The following RWDD3 variants were observed in gnomAD, a reference collection of about 807,000 sequenced individuals.
The protein encoded by RWDD3 is RWD domain-containing protein 3.
Under a neutral mutation model 26.5 loss-of-function variants are expected in RWDD3, and 30 were observed. The ratio of observed to expected loss-of-function variants is 1.13; its 90% CI spans 0.85 to 1.54. RWDD3 has a LOEUF of 1.54. RWDD3 is among the 40% of genes most tolerant of loss of function. The pLI is 0.00. For synonymous variants in RWDD3, 113 were observed against 114.5 expected (o/e 0.99, Z 0.09); for missense variants, 296 against 309.1 (o/e 0.96, Z 0.32).
chr1:95,236,417 G>A (rs1680362065), intron 1 of RWDD3, among the ~76,000 whole-genome samples: 2 of 151,990 alleles, frequency 1.3e-5, no homozygotes, highest in South Asian at 2.1e-4. Context: ...ATATCCATTG[G>A]GTGTGTTATT....
chr1:95,244,874 C>T, intron 2 of RWDD3, 176 bp downstream of exon 2: 1 of 686,334 alleles, frequency 1.5e-6, no homozygotes, highest in Non-Finnish European at 2.3e-6. Context: ...CTGCTAATTA[C>T]AAGTACAAAC....
At position 95,246,718 on chromosome 1, in the gene RWDD3, A is replaced by G. The variant is rs777971687; in HGVS notation, c.690-38A>G. 2.6e-6 allele frequency: 4 copies of G among 1,530,812 alleles called. No homozygotes were observed. The African/African-American group carries it at 4.2e-5, about 16-fold the overall frequency. 94.8% of individuals were successfully genotyped at this position (1,530,812 alleles called of 1,614,324 possible). A position where few individuals can be genotyped will look rare whatever the true frequency, so the allele number is the denominator to read the frequency against. The stretch of plus-strand genomic sequence containing the variant: ...TGAATCGATAATTATACTCTGACAA[A>G]TCTAGGCATATTCATGAGTTTCTTT... On this transcript the variant is annotated intron_variant, in intron 3 of 3. Transcript: ENST00000370202.
intron 1 of RWDD3, among the ~76,000 whole-genome samples, chr1:95,235,602 C>T (rs147942856): frequency 0.027 from 4,102 of 151,924 alleles, 80 homozygotes; most frequent in East Asian, 0.075. Flanking sequence ...TCGTGATCCG[C>T]GCGTCTCGGC....
chr1:95,246,499 CTCA>C, intron 2 of RWDD3, 40 bp from the exon 3 acceptor site: 1 of 1,010,034 alleles, frequency 9.9e-7, no homozygotes, highest in Non-Finnish European at 1.5e-6. Flanking sequence ...GACTTTGAGA[CTCA>C]GAGTAAGATA....
intron 3 of RWDD3, 31 bp downstream of exon 3, chr1:95,246,688 G>A: frequency 6.5e-7 from 1 of 1,549,284 alleles, no homozygotes; most frequent in Non-Finnish European, 8.8e-7. Flanking sequence ...AGATGGAAAA[G>A]CAACTGAATC....
At chr1:95,240,565 C>T (rs1000287364) in intron 1 of RWDD3, among the ~76,000 whole-genome samples, 2 of 151,938 alleles carry the variant, frequency 1.3e-5, no homozygotes, top group Non-Finnish European at 2.9e-5. Flanking sequence ...AGATGGGACA[C>T]CCAAGACTGA....
Position 95,244,581 on chromosome 1 carries a change from G to C in RWDD3, c.456G>C (p.Lys152Asn), listed in dbSNP as rs1680772636. ...TLLHLDHMRA[K>N]TKYVKIVEKW... ...TGCATTTAGATCACATGAGAGCAAA[G>C]ACTAAATATGTCAAAATTGTGGAGA... Residue 152 changes from lysine (K) to asparagine (N), a missense_variant, in exon 2 of 4, where the codon AAG becomes AAC. Transcript: ENST00000370202. 1.2e-6 allele frequency: 2 copies of C among 1,614,172 alleles called. No individual in the cohort carries two copies. Among genetic ancestry groups the C allele is most frequent in the Non-Finnish European group, 1.7e-6 (2 of 1,180,018 alleles).
In RWDD3 at chr1:95,244,610, G is replaced by C. The variant is rs1557722789; in HGVS notation, c.485G>C (p.Trp162Ser). 1 of 1,614,144 alleles carries C rather than the reference G, an allele frequency of 6.2e-7. No homozygotes were observed. The highest frequency in any genetic ancestry group is 8.5e-7 in the Non-Finnish European group (1 of 1,180,020). The change falls in exon 2 of 4, where the codon TGG becomes TCG. Residue 162 changes from tryptophan (W) to serine (S), a missense_variant. Trp to Ser is a radical substitution (Grantham distance 177, BLOSUM62 -3). Coordinates refer to ENST00000370202, the MANE Select transcript of RWDD3 (RefSeq NM_015485.5). ...AAATATGTCAAAATTGTGGAGAAGTGGGCTTCAGATTTAAGGCTGACAGGA... is the reference window on the plus strand; with the variant it reads ...AAATATGTCAAAATTGTGGAGAAGTCGGCTTCAGATTTAAGGCTGACAGGA... ...KTKYVKIVEK[W>S]ASDLRLTGRL...
intron 1 of RWDD3, chr1:95,239,730 G>C: frequency 8.2e-7 from 1 of 1,219,048 alleles, no homozygotes; most frequent in Non-Finnish European, 1.0e-6. Flanking sequence ...AGTTTTCTAA[G>C]GTGAAAGTCA....
At chr1:95,235,446 C>A (rs531274040) in intron 1 of RWDD3, among the ~76,000 whole-genome samples, 11 of 144,750 alleles carry the variant, frequency 7.6e-5, no homozygotes, top group African/African-American at 2.5e-4. Flanking sequence ...GCAAGCTCCA[C>A]CTCCTGGGTT....
intron 1 of RWDD3, among the ~76,000 whole-genome samples, chr1:95,236,470 A>G (rs1163811001): frequency 6.6e-6 from 1 of 152,198 alleles, no homozygotes; most frequent in Non-Finnish European, 1.5e-5. Flanking sequence ...TCCTTCTTGC[A>G]TTCATCCACT....
intron 1 of RWDD3, among the ~76,000 whole-genome samples, chr1:95,234,558 G>C (rs1172827576): frequency 3.3e-5 from 5 of 151,964 alleles, no homozygotes; most frequent in Non-Finnish European, 7.4e-5. Flanking sequence ...CGCCGGTCCC[G>C]CTCCCGGAGC....
chr1:95,235,661 C>G (rs1252139111), intron 1 of RWDD3, among the ~76,000 whole-genome samples: 1 of 151,174 alleles, frequency 6.6e-6, no homozygotes, highest in Non-Finnish European at 1.5e-5. Context: ...GCCTGGCCTT[C>G]TGATACTTTT....
chr1:95,244,424 T>C lies in RWDD3; in HGVS notation c.299T>C (p.Val100Ala). 1 of 1,614,188 alleles carries C rather than the reference T, an allele frequency of 6.2e-7. No homozygotes were observed. Among genetic ancestry groups the C allele is most frequent in the Non-Finnish European group, 8.5e-7 (1 of 1,180,028 alleles). Residue 100 changes from valine (V) to alanine (A), a missense_variant, in exon 2 of 4, where the codon GTT becomes GCT. Coordinates refer to ENST00000370202, the MANE Select transcript of RWDD3 (RefSeq NM_015485.5). The part of the protein sequence containing the change: ...QAESLLSEPM[V>A]HELVLWIQQN... Reference sequence around the variant, plus strand: ...GAGAGCCTTTTGTCGGAGCCTATGGTTCATGAGCTGGTTCTCTGGATTCAG... The same window carrying C: ...GAGAGCCTTTTGTCGGAGCCTATGGCTCATGAGCTGGTTCTCTGGATTCAG...
At chr1:95,242,038 G>A (rs942328952) in intron 1 of RWDD3, among the ~76,000 whole-genome samples, 1 of 152,126 alleles carries the variant, frequency 6.6e-6, no homozygotes, top group African/African-American at 2.4e-5. Context: ...ATCTTTTACT[G>A]AAGCTATGCA....
chr1:95,237,314 A>T (rs1680402102), intron 1 of RWDD3: 1 of 152,158 alleles, frequency 6.6e-6, no homozygotes, highest in East Asian at 1.9e-4. Flanking sequence ...GAACACTCTA[A>T]ACACTAGTTC....
chr1:95,246,764 C>A lies in RWDD3; in HGVS notation c.698C>A (p.Ala233Glu). ...TCTTTTGTATAATGCAGGTTTCTGGCATTTGAAGTCAAAGAGTATTCAGCG... is the reference window on the plus strand; with the variant it reads ...TCTTTTGTATAATGCAGGTTTCTGGAATTTGAAGTCAAAGAGTATTCAGCG... ...KVQTEHKRFL[A>E]FEVKEYSALD... is the part of the protein sequence containing the mutation. The change falls in exon 4 of 4, where the codon GCA becomes GAA. Residue 233 changes from alanine (A) to glutamate (E), a missense_variant. Ala to Glu is a moderately radical substitution (Grantham distance 107). Coordinates refer to ENST00000370202, the MANE Select transcript of RWDD3 (RefSeq NM_015485.5). 2 of 1,555,318 alleles carry A rather than the reference C, an allele frequency of 1.3e-6. No individual in the cohort carries two copies. The highest frequency in any genetic ancestry group is 1.7e-6 in the Non-Finnish European group (2 of 1,153,336).
At chr1:95,244,168 T>C (rs1446428305) in intron 1 of RWDD3, 43 bp from the exon 2 acceptor site, 2 of 1,567,600 alleles carry the variant, frequency 1.3e-6, no homozygotes, top group East Asian at 2.3e-5. Flanking sequence ...TCCATTCAAA[T>C]TGAATAATGT....
chr1:95,245,875 A>T (rs1002634318), intron 2 of RWDD3, among the ~76,000 whole-genome samples: 4 of 152,196 alleles, frequency 2.6e-5, no homozygotes, highest in Admixed American at 2.6e-4. Flanking sequence ...CAATTAATTA[A>T]CAGGTATCTA....
Sources: gnomAD v4.1 joint callset for allele counts (sites outside exome capture counted in the v4.1 genomes callset) on GRCh38, gnomAD v4.1.1 for gene constraint, MANE v1.5 for transcripts, NCBI Gene and HGNC (gene_info 2026-07-23, HGNC 2026-07-21) for gene names.